Variants in CSMD1 observed in about 807,000 individuals in gnomAD.
CSMD1 encodes the protein CUB and Sushi multiple domains 1, also known as CUB and sushi domain-containing protein 1.
CSMD1 carries 213 observed loss-of-function variants against 417.5 expected under a neutral mutation model. The observed-to-expected ratio is 0.51, with a 90% CI of 0.46 to 0.57. CSMD1 has a LOEUF of 0.57. Among genes scored for constraint, CSMD1 ranks in the 20% least tolerant of loss-of-function variants. The pLI is 0.00. For synonymous variants in CSMD1, 2,862 were observed against 1,736.8 expected (o/e 1.65, Z -16.11); for missense variants, 6,923 against 4,529.7 (o/e 1.53, Z -15.17).
chr8:3,913,626 T>C (rs1412533069), intron 5 of CSMD1, among the ~76,000 whole-genome samples: 1 of 152,072 alleles, frequency 6.6e-6, no homozygotes, highest in Non-Finnish European at 1.5e-5. Flanking sequence ...CTTAGGGAAG[T>C]GGTGGAGTCA....
At chr8:4,290,364 G>A (rs535263683) in intron 3 of CSMD1, among the ~76,000 whole-genome samples, 12 of 152,292 alleles carry the variant, frequency 7.9e-5, no homozygotes, top group Middle Eastern at 3.4e-3. Context: ...TCTGAATGGA[G>A]GGAGAGAAGC....
intron 5 of CSMD1, among the ~76,000 whole-genome samples, chr8:3,790,850 C>CT (rs1391127196): frequency 6.6e-6 from 1 of 152,140 alleles, no homozygotes; most frequent in Non-Finnish European, 1.5e-5. Flanking sequence ...AACCGTCCCT[C>CT]TCCCAGGCAG....
chr8:3,059,658 C>A (rs535125096), intron 49 of CSMD1, among the ~76,000 whole-genome samples: 2 of 152,096 alleles, frequency 1.3e-5, no homozygotes, highest in East Asian at 1.9e-4. Context: ...AGGAGATGAA[C>A]GGAGAGAGGG....
intron 2 of CSMD1, among the ~76,000 whole-genome samples, chr8:4,589,700 C>T (rs988098665): frequency 6.6e-6 from 1 of 152,008 alleles, no homozygotes; most frequent in Non-Finnish European, 1.5e-5. Flanking sequence ...TTGAATGGTA[C>T]AATTAGAAAC....
chr8:4,384,248 CT>C (rs10682651), intron 3 of CSMD1, among the ~76,000 whole-genome samples: 55 of 150,124 alleles, frequency 3.7e-4, no homozygotes, highest in African/African-American at 9.0e-4. Context: ...AAATTACAGA[CT>C]TTTTTTTTTG....
chr8:3,828,174 C>G (rs373044448), intron 5 of CSMD1, among the ~76,000 whole-genome samples: 1 of 152,076 alleles, frequency 6.6e-6, no homozygotes, highest in Non-Finnish European at 1.5e-5. Flanking sequence ...AAAGGCAATC[C>G]AAGTTTAACC....
At chr8:4,062,993 G>A (rs1799058557) in intron 3 of CSMD1, among the ~76,000 whole-genome samples, 1 of 152,024 alleles carries the variant, frequency 6.6e-6, no homozygotes, top group Admixed American at 6.6e-5. Context: ...AGGTAATCCA[G>A]ACACTTATTA....
At chr8:3,085,700 T>C (rs1043576845) in intron 49 of CSMD1, among the ~76,000 whole-genome samples, 1 of 152,212 alleles carries the variant, frequency 6.6e-6, no homozygotes, top group African/African-American at 2.4e-5. Context: ...AAGTCAAGAC[T>C]TATCCCAAAC....
At chr8:3,476,212 G>C (rs775283503) in intron 11 of CSMD1, among the ~76,000 whole-genome samples, 1 of 152,066 alleles carries the variant, frequency 6.6e-6, no homozygotes, top group Non-Finnish European at 1.5e-5. Flanking sequence ...AACAAGAGAT[G>C]GATAACACCT....
intron 5 of CSMD1, among the ~76,000 whole-genome samples, chr8:3,968,960 C>T (rs1450974080): frequency 6.6e-6 from 1 of 152,090 alleles, no homozygotes; most frequent in African/African-American, 2.4e-5. Flanking sequence ...TTTACTAAGA[C>T]CTAATGCAGG....
At chr8:4,432,204 G>A (rs1171163914) in intron 2 of CSMD1, among the ~76,000 whole-genome samples, 1 of 152,064 alleles carries the variant, frequency 6.6e-6, no homozygotes, top group Non-Finnish European at 1.5e-5. Context: ...AGTAAAATTG[G>A]AATTTAAAAA....
intron 3 of CSMD1, among the ~76,000 whole-genome samples, chr8:4,395,856 C>G (rs1170521114): frequency 1.3e-5 from 2 of 152,144 alleles, no homozygotes; most frequent in African/African-American, 4.8e-5. Context: ...AGCATGAAAA[C>G]CATTACAGTC....
rs1388233845 is a variant in CSMD1 at position 4,426,269 on chromosome 8, C to T, written c.303-6204G>A. On this transcript the variant is annotated intron_variant, in intron 2 of 69. Transcript: ENST00000635120. ...ATAACTTATTTTTTATAAGTTATTC[C>T]AATTTCTGTTCTAGAATTCATCCAA... is the stretch of plus-strand genomic sequence containing the variant. Among the ~76,000 whole-genome samples the T allele has an allele frequency of 4.0e-5, 6 of 151,576 alleles. No individual in the cohort carries two copies. In the South Asian group the frequency reaches 8.3e-4, roughly 21 times the overall value.
chr8:3,028,115 C>A (rs918366899), intron 51 of CSMD1, among the ~76,000 whole-genome samples: 1 of 152,156 alleles, frequency 6.6e-6, no homozygotes, highest in Admixed American at 6.5e-5. Context: ...CGCAGAAGCC[C>A]TGTGTAAAAC....
At chr8:4,632,105 T>A (rs1176460639) in intron 2 of CSMD1, among the ~76,000 whole-genome samples, 1 of 152,210 alleles carries the variant, frequency 6.6e-6, no homozygotes, top group African/African-American at 2.4e-5. Flanking sequence ...AGTCACCACA[T>A]GGGATGGTTG....
At chr8:3,112,450 T>C (rs1452332331) in intron 42 of CSMD1, among the ~76,000 whole-genome samples, 1 of 152,150 alleles carries the variant, frequency 6.6e-6, no homozygotes, top group East Asian at 1.9e-4. Context: ...GCAAAAGAAA[T>C]GAGGTGGTGA....
intron 7 of CSMD1, among the ~76,000 whole-genome samples, chr8:3,652,897 TGAATGAATAAAC>T (rs1394896389): frequency 6.6e-6 from 1 of 152,176 alleles, no homozygotes; most frequent in Non-Finnish European, 1.5e-5. Flanking sequence ...ACATATTTAA[TGAATGAATAAAC>T]GAATGAATAA....
intron 7 of CSMD1, among the ~76,000 whole-genome samples, chr8:3,653,756 C>T (rs1384196): frequency 0.24 from 36,304 of 152,148 alleles, 4,462 homozygotes; most frequent in East Asian, 0.36. Context: ...ATGGCTGTTA[C>T]ACAGTGGGTC....
chr8:4,450,283 A>C (rs983102674), intron 2 of CSMD1, among the ~76,000 whole-genome samples: 2 of 152,186 alleles, frequency 1.3e-5, no homozygotes, highest in Non-Finnish European at 2.9e-5. Flanking sequence ...ACATGGGAGA[A>C]AGCTGTGCAC....
Sources: allele counts gnomAD v4.1 joint callset (sites outside exome capture counted in the v4.1 genomes callset), GRCh38; gene constraint gnomAD v4.1.1; transcripts MANE v1.5; gene names NCBI Gene and HGNC (gene_info 2026-07-23, HGNC 2026-07-21).